The following ADGRL4 variants were observed in gnomAD, a reference collection of about 807,000 sequenced individuals.
ADGRL4 encodes adhesion G protein-coupled receptor L4, also known as EGF, latrophilin and seven transmembrane domain containing 1.
Under a neutral mutation model 74.8 loss-of-function variants are expected in ADGRL4, and 90 were observed. The observed-to-expected ratio is 1.20, with a 90% CI of 1.02 to 1.43. The LOEUF (loss-of-function observed/expected upper bound fraction) is 1.43, where lower values mean the gene tolerates loss of function less well. Ranked by LOEUF, ADGRL4 falls within the 40% of genes most tolerant of loss-of-function variation. ADGRL4 has a pLI of 0.00. For missense variants in ADGRL4, 881 were observed against 814.3 expected, an observed-to-expected ratio of 1.08 and a Z score of -1.00; for synonymous variants, 311 against 279.2, an observed-to-expected ratio of 1.11 and a Z score of -1.14.
chr1:78,991,155 A>T (rs1462358834), intron 2 of ADGRL4, among the ~76,000 whole-genome samples: 2 of 152,066 alleles, frequency 1.3e-5, no homozygotes, highest in Non-Finnish European at 2.9e-5. Flanking sequence ...ATTCTTTAAG[A>T]CTTACGATGT....
At chr1:78,994,419 G>C (rs970212155) in intron 2 of ADGRL4, among the ~76,000 whole-genome samples, 1 of 151,994 alleles carries the variant, frequency 6.6e-6, no homozygotes, top group Admixed American at 6.6e-5. Context: ...CAATAAAATG[G>C]GGCATCAACA....
chr1:78,895,734 G>T (rs1406385620), intron 12 of ADGRL4, among the ~76,000 whole-genome samples: 1 of 152,056 alleles, frequency 6.6e-6, no homozygotes, highest in Non-Finnish European at 1.5e-5. Context: ...GCGACGAGTG[G>T]CATGACATGA....
At chr1:78,983,319 G>C (rs1231906672) in intron 2 of ADGRL4, among the ~76,000 whole-genome samples, 1 of 151,724 alleles carries the variant, frequency 6.6e-6, no homozygotes, top group African/African-American at 2.4e-5. Flanking sequence ...AGACTTATTG[G>C]ATATAGAATA....
chr1:78,921,493 T>C (rs1431650143), intron 9 of ADGRL4, 120 bp downstream of exon 9: 11 of 519,172 alleles, frequency 2.1e-5, no homozygotes, highest in Non-Finnish European at 3.2e-5. Flanking sequence ...TTATCTCTTA[T>C]ACTAAATGTG....
chr1:78,940,548 A>G (rs1649454484), intron 3 of ADGRL4, among the ~76,000 whole-genome samples: 1 of 152,142 alleles, frequency 6.6e-6, no homozygotes, highest in African/African-American at 2.4e-5. Flanking sequence ...ATAATCTGCC[A>G]CTAGAGAAAA....
intron 2 of ADGRL4, among the ~76,000 whole-genome samples, chr1:79,001,524 T>C (rs185430299): frequency 1.8e-4 from 28 of 152,316 alleles, no homozygotes; most frequent in African/African-American, 6.5e-4. Context: ...TGATAAACTC[T>C]ATATTCTGGG....
intron 2 of ADGRL4, among the ~76,000 whole-genome samples, chr1:78,984,754 T>C (rs943127354): frequency 1.3e-5 from 2 of 151,746 alleles, no homozygotes; most frequent in Non-Finnish European, 2.9e-5. Context: ...AAAAAATTCC[T>C]AGAAATTTCT....
intron 1 of ADGRL4, 124 bp from the exon 2 acceptor site, chr1:79,005,343 T>C (rs1364040379): frequency 2.4e-5 from 20 of 837,834 alleles, no homozygotes; most frequent in Non-Finnish European, 3.3e-5. Context: ...GATTATAAAT[T>C]TTTCCCAAGA....
At chr1:78,923,601 G>A (rs894725078) in intron 8 of ADGRL4, among the ~76,000 whole-genome samples, 20 of 151,836 alleles carry the variant, frequency 1.3e-4, no homozygotes, top group African/African-American at 4.6e-4. Flanking sequence ...AAGAAAGAAA[G>A]TCAAGAGCAA....
intron 12 of ADGRL4, among the ~76,000 whole-genome samples, chr1:78,899,042 TA>T (rs1362510502): frequency 1.3e-5 from 2 of 152,176 alleles, no homozygotes; most frequent in African/African-American, 4.8e-5. Flanking sequence ...TTTTTCTCAA[TA>T]ATTGATGAAG....
chr1:78,987,072 G>C (rs1650513643), intron 2 of ADGRL4, among the ~76,000 whole-genome samples: 1 of 151,762 alleles, frequency 6.6e-6, no homozygotes, highest in African/African-American at 2.4e-5. Context: ...TAAATTTTCA[G>C]TCTCAGATAA....
intron 2 of ADGRL4, among the ~76,000 whole-genome samples, chr1:78,979,458 C>A (rs984880602): frequency 3.3e-5 from 5 of 151,910 alleles, no homozygotes; most frequent in African/African-American, 9.7e-5. Context: ...TTGCTTCTGA[C>A]ATATTCTCCC....
chr1:78,908,165 G>A (rs542047236), intron 12 of ADGRL4, among the ~76,000 whole-genome samples: 1 of 151,990 alleles, frequency 6.6e-6, no homozygotes, highest in African/African-American at 2.4e-5. Context: ...GCTCTGCAAC[G>A]ACTAAGAAAG....
At chr1:78,917,532 T>C (rs925198654) in intron 12 of ADGRL4, 102 bp downstream of exon 12, 7 of 663,618 alleles carry the variant, frequency 1.1e-5, no homozygotes, top group Non-Finnish European at 1.7e-5. Context: ...TGTAAAATAT[T>C]CAAATTCTTC....
intron 12 of ADGRL4, among the ~76,000 whole-genome samples, chr1:78,905,833 C>T (rs533731583): frequency 1.4e-4 from 21 of 152,008 alleles, no homozygotes; most frequent in African/African-American, 5.1e-4. Context: ...AGCATTTAGC[C>T]ATTAATTTGA....
intron 3 of ADGRL4, among the ~76,000 whole-genome samples, chr1:78,940,133 GA>G (rs1649446273): frequency 6.6e-6 from 1 of 151,998 alleles, no homozygotes; most frequent in Admixed American, 6.6e-5. Context: ...CCCAATTTAA[GA>G]AACACATTTA....
At chr1:78,927,604 C>A (rs1287474926) in intron 7 of ADGRL4, among the ~76,000 whole-genome samples, 1 of 152,018 alleles carries the variant, frequency 6.6e-6, no homozygotes, top group Non-Finnish European at 1.5e-5. Context: ...TGTAATTATG[C>A]AGTGTCGGGG....
chr1:78,954,098 G>A (rs1041060977), intron 2 of ADGRL4, among the ~76,000 whole-genome samples: 2 of 151,886 alleles, frequency 1.3e-5, no homozygotes, highest in East Asian at 3.9e-4. Flanking sequence ...GTGAGCCAAG[G>A]TCATGCCATT....
At chr1:78,985,391 G>A (rs1220744423) in intron 2 of ADGRL4, among the ~76,000 whole-genome samples, 1 of 151,644 alleles carries the variant, frequency 6.6e-6, no homozygotes, top group Non-Finnish European at 1.5e-5. Context: ...TAAAATTTTT[G>A]CAATAAGTAT....
Sources: gnomAD v4.1 joint callset for allele counts (sites outside exome capture counted in the v4.1 genomes callset) on GRCh38, gnomAD v4.1.1 for gene constraint, MANE v1.5 for transcripts, NCBI Gene and HGNC (gene_info 2026-07-23, HGNC 2026-07-21) for gene names.